Variants in ZFHX2 observed in about 807,000 individuals in gnomAD.
ZFHX2 encodes the protein zinc finger homeobox 2.
ZFHX2 carries 75 observed loss-of-function variants against 164.8 expected under a neutral mutation model. The ratio of observed to expected loss-of-function variants is 0.46; its 90% CI spans 0.38 to 0.55. The LOEUF is 0.55. Among genes scored for constraint, ZFHX2 ranks in the 20% least tolerant of loss-of-function variants. The pLI, the probability that ZFHX2 is intolerant of heterozygous loss-of-function variation, is 0.00. For synonymous variants in ZFHX2, 1,217 were observed against 1,351.4 expected (o/e 0.90, Z 2.18); for missense variants, 2,933 against 3,308.0 (o/e 0.89, Z 2.78).
chr14:23,548,714 G>A (rs538461371), intron 1 of ZFHX2, among the ~76,000 whole-genome samples: 10 of 152,162 alleles, frequency 6.6e-5, no homozygotes, highest in South Asian at 2.1e-4. Flanking sequence ...ATGAATGCTC[G>A]TGAGGTTCTC....
intron 1 of ZFHX2, among the ~76,000 whole-genome samples, chr14:23,547,398 G>C (rs1216600936): frequency 6.6e-6 from 1 of 152,256 alleles, no homozygotes; most frequent in Non-Finnish European, 1.5e-5. Context: ...TCATGATTGG[G>C]AATGGGGTGG....
At position 23,534,621 on chromosome 14, in the gene ZFHX2, G is replaced by A. The variant is rs1879953567; in HGVS notation, c.705C>T (p.Val235=). ...GGCGGCACAGAAGGCAGAGCCAGAA[G>A]ACCGCCACGTGGTTGCCCCCGCTGT... ...MGNSGGNHVA[V]FWLCLLCRLG... is the part of the protein sequence containing the mutation. The change falls in exon 2 of 10, where the codon GTC becomes GTT. Residue 235 remains valine, a synonymous_variant. Coordinates refer to ENST00000419474, the MANE Select transcript of ZFHX2 (RefSeq NM_033400.3). This position sits in a 1 kb window ranked among gnomAD's most constrained non-coding sequence, Gnocchi z 4.5. 2.6e-6 allele frequency: 4 copies of A among 1,536,040 alleles called. No homozygotes were observed. The highest frequency in any genetic ancestry group is 2.6e-6 in the Non-Finnish European group (3 of 1,146,928).
At chr14:23,532,404 C>T in intron 3 of ZFHX2, 163 bp downstream of exon 3, 1 of 818,044 alleles carries the variant, frequency 1.2e-6, no homozygotes, top group Non-Finnish European at 1.7e-6. Flanking sequence ...TTCTCCATGT[C>T]TGTCACTTTG....
At chr14:23,544,562 T>C (rs1233455300) in intron 1 of ZFHX2, among the ~76,000 whole-genome samples, 1 of 152,198 alleles carries the variant, frequency 6.6e-6, no homozygotes, top group Non-Finnish European at 1.5e-5. Context: ...TGTACACGTG[T>C]GTGGGCCCTG....
Position 23,531,462 on chromosome 14 carries a change from C to T in ZFHX2, c.2800+19G>A. ...GCCCTCCCTGCCCAGCTCTTATTCT[C>T]CAGTCCCTTCTTCCTCACCGGGAGT... On this transcript the variant is annotated intron_variant, in intron 4 of 9. Transcript: ENST00000419474. 7.2e-7 allele frequency: 1 copy of T among 1,390,104 alleles called. No homozygotes were observed. The highest frequency in any genetic ancestry group is 9.4e-7 in the Non-Finnish European group (1 of 1,066,406). The allele number at this position is 1,390,104 out of a possible 1,614,324, so 86.1% of individuals were successfully genotyped here.
At chr14:23,527,842 G>A in intron 6 of ZFHX2, 38 bp from the exon 7 acceptor site, 4 of 1,526,364 alleles carry the variant, frequency 2.6e-6, no homozygotes, top group South Asian at 1.2e-5. Flanking sequence ...AAGTGTCAGG[G>A]AAGGATGGGA....
Position 23,551,008 on chromosome 14 carries a change from C to T in ZFHX2, c.-50+335G>A, listed in dbSNP as rs28583761. Among the ~76,000 whole-genome samples, 2,832 of 152,066 alleles carry T rather than the reference C, an allele frequency of 0.019. 84 individuals are homozygous for T. Among genetic ancestry groups the T allele is most frequent in the African/African-American group, 0.064 (2,669 of 41,448 alleles). ...GCTCCCTGCCCAACTCGGCGCGGTC[C>T]GTCTAGGCTTTCCATACCCTTCGTC... On this transcript the variant is annotated intron_variant, in intron 1 of 9. Transcript: ENST00000419474. This position sits in a 1 kb window ranked among gnomAD's most constrained non-coding sequence, Gnocchi z 5.3.
rs1878939961 is a variant in ZFHX2 at position 23,527,785 on chromosome 14, C to T, written c.2954G>A (p.Cys985Tyr). 4.6e-6 allele frequency: 7 copies of T among 1,535,652 alleles called. No individual in the cohort carries two copies. The highest frequency in any genetic ancestry group is 1.4e-5 in the African/African-American group (1 of 73,028). The change falls in exon 7 of 10, where the codon TGC (cysteine) becomes TAC (tyrosine). Residue 985 changes from cysteine to tyrosine, a missense_variant. Physicochemically the swap from Cys to Tyr is radical, Grantham distance 194. Coordinates refer to ENST00000419474, the MANE Select transcript of ZFHX2 (RefSeq NM_033400.3). ...GCTGGACTCTGGGCTCAGGAAGCTG[C>T]AGTATGGACAGCAGTATACCTGGAG... ...NQTTVYCCPY[C>Y]SFLSPESSQV...
chr14:23,528,530 GA>G, intron 6 of ZFHX2: 1 of 901,940 alleles, frequency 1.1e-6, no homozygotes, highest in Non-Finnish European at 1.3e-6. Flanking sequence ...TCTTCTCTGT[GA>G]AATGGTTCCA....
upstream of ZFHX2, among the ~76,000 whole-genome samples, chr14:23,554,964 G>A (rs574579946): frequency 2.0e-5 from 3 of 152,224 alleles, no homozygotes; most frequent in South Asian, 6.2e-4. Context: ...AGCATTCAAA[G>A]GGCCAACCCC....
intron 6 of ZFHX2, among the ~76,000 whole-genome samples, chr14:23,529,075 C>A (rs1325636234): frequency 6.6e-6 from 1 of 152,246 alleles, no homozygotes; most frequent in Non-Finnish European, 1.5e-5. Flanking sequence ...ATTGCAATAA[C>A]AATAAATGTT....
In ZFHX2 at chr14:23,525,823, C is replaced by T. The variant is rs1878628790; in HGVS notation, c.4119G>A (p.Lys1373=). Reference sequence around the variant, plus strand: ...CAGCTAGTGTCAGCTTGGGCCCCACCTTGAGATCGTGGAGGTAGAAGGGCA... The same window carrying T: ...CAGCTAGTGTCAGCTTGGGCCCCACTTTGAGATCGTGGAGGTAGAAGGGCA... ...LLLPFYLHDL[K]VGPKLTLAGP... The change falls in exon 9 of 10, where the codon AAG becomes AAA. Residue 1373 remains lysine (K), a synonymous_variant. Coordinates refer to ENST00000419474, the MANE Select transcript of ZFHX2 (RefSeq NM_033400.3). This position sits in a 1 kb window ranked among gnomAD's most constrained non-coding sequence, Gnocchi z 5.9. The T allele has an allele frequency of 6.8e-7, 1 of 1,460,024 alleles. No homozygotes were observed. The highest frequency in any genetic ancestry group is 1.4e-5 in the South Asian group (1 of 70,260). The allele number at this position is 1,460,024 out of a possible 1,614,324, so 90.4% of individuals were successfully genotyped here. A position where few individuals can be genotyped will look rare whatever the true frequency, so the allele number is the denominator to read the frequency against.
Position 23,525,993 on chromosome 14 carries a change from T to C in ZFHX2, c.3949A>G (p.Ile1317Val), listed in dbSNP as rs926845022. 3 of 1,526,926 alleles carry C rather than the reference T, an allele frequency of 2.0e-6. No homozygotes were observed. The highest frequency in any genetic ancestry group is 4.9e-5 in the East Asian group (2 of 40,868). 94.6% of individuals were successfully genotyped at this position (1,526,926 alleles called of 1,614,324 possible). The part of the protein sequence containing the change: ...EKKGPDTSGF[I>V]SGLPFLSPPP... Reference sequence around the variant, plus strand: ...GGGGACAGGAAAGGCAATCCAGATATGAAGCCACTGGTGTCAGGGCCCTTC... The same window carrying C: ...GGGGACAGGAAAGGCAATCCAGATACGAAGCCACTGGTGTCAGGGCCCTTC... Residue 1317 changes from isoleucine (I) to valine (V), a missense_variant, in exon 9 of 10, where the codon ATA becomes GTA. Transcript: ENST00000419474. This position sits in a 1 kb window ranked among gnomAD's most constrained non-coding sequence, Gnocchi z 5.9.
chr14:23,532,526 C>G, intron 3 of ZFHX2, 41 bp downstream of exon 3: 2 of 1,427,856 alleles, frequency 1.4e-6, no homozygotes, highest in Non-Finnish European at 9.1e-7. Context: ...TGTCCCCATT[C>G]CCTTCTCCTC....
chr14:23,534,839 G>T lies in ZFHX2; in HGVS notation c.487C>A (p.Pro163Thr), dbSNP rs374739432. 1.2e-5 allele frequency: 18 copies of T among 1,536,178 alleles called. No individual in the cohort carries two copies. The East Asian group carries it at 1.5e-4, about 13-fold the overall frequency. ...PSLPFLAYPP[P>T]SHLTALHIQH... ...ATGTGAAGGGCAGTGAGGTGTGAGG[G>T]GGGTGGGTAGGCAAGGAAGGGCAGA... The change falls in exon 2 of 10, where the codon CCC (proline) becomes ACC (threonine). Residue 163 changes from proline (P) to threonine (T), a missense_variant. Physicochemically the swap from Pro to Thr is conservative, Grantham distance 38. Coordinates refer to ENST00000419474, the MANE Select transcript of ZFHX2 (RefSeq NM_033400.3). This position sits in a 1 kb window ranked among gnomAD's most constrained non-coding sequence, Gnocchi z 4.5.
At position 23,531,596 on chromosome 14, in the gene ZFHX2, G is replaced by T; in HGVS notation, c.2685C>A (p.Arg895=). ...VLQHLRTPAH[R]DAQAQRRLQL... is the part of the protein sequence containing the mutation. ...GCAGACGCCTCTGGGCCTGGGCATC[G>T]CGGTGGGCAGGTGTGCGCAGGTGTT... The change falls in exon 4 of 10, where the codon CGC becomes CGA. Residue 895 remains arginine, a synonymous_variant. Transcript: ENST00000419474. 2 of 1,526,484 alleles carry T rather than the reference G, an allele frequency of 1.3e-6. No individual in the cohort carries two copies. Among genetic ancestry groups the T allele is most frequent in the Non-Finnish European group, 1.8e-6 (2 of 1,141,238 alleles). The allele number at this position is 1,526,484 out of a possible 1,614,324, so 94.6% of individuals were successfully genotyped here. A position where few individuals can be genotyped will look rare whatever the true frequency, so the allele number is the denominator to read the frequency against.
chr14:23,527,685 C>T lies in ZFHX2; in HGVS notation c.3054G>A (p.Leu1018=). Residue 1018 remains leucine, a synonymous_variant, in exon 7 of 10, where the codon CTG becomes CTA. Transcript: ENST00000419474. ...KYRCPLCQEQ[L]VGRPALHFHL... ...GGAAGTGCAGGGCAGGCCGGCCCAC[C>T]AGCTGTTCCTGGCACAGTGGGCATC... 6.5e-7 allele frequency: 1 copy of T among 1,536,274 alleles called. No individual in the cohort carries two copies.
chr14:23,529,392 T>C, intron 6 of ZFHX2: 1 of 333,228 alleles, frequency 3.0e-6, no homozygotes, highest in South Asian at 3.2e-5. Flanking sequence ...GGTTGTTTGC[T>C]TTTGCCTTTC....
upstream of ZFHX2, among the ~76,000 whole-genome samples, chr14:23,555,409 C>T (rs111471508): frequency 0.02 from 3,090 of 152,344 alleles, 56 homozygotes; most frequent in Non-Finnish European, 0.032. Context: ...TTTCCCTCAA[C>T]TGCATTTCTA....
Sources: gnomAD v4.1 joint callset for allele counts (sites outside exome capture counted in the v4.1 genomes callset) on GRCh38, gnomAD v4.1.1 for gene constraint, Gnocchi (gnomAD v3.1) non-coding constraint, MANE v1.5 for transcripts, NCBI Gene and HGNC (gene_info 2026-07-23, HGNC 2026-07-21) for gene names.